Variants in SVEP1 observed in about 807,000 individuals in gnomAD.
The protein encoded by SVEP1 is sushi, von Willebrand factor type A, EGF and pentraxin domain containing 1, also known as sushi, von Willebrand factor type A, EGF and pentraxin domain-containing protein 1.
SVEP1 carries 164 observed loss-of-function variants against 367.3 expected under a neutral mutation model. The observed-to-expected ratio is 0.45, with a 90% confidence interval of 0.39 to 0.51. The LOEUF is 0.51. SVEP1 is among the 20% of genes least tolerant of loss of function. The pLI, the probability that SVEP1 is intolerant of heterozygous loss-of-function variation, is 0.00. For missense variants in SVEP1, 4,117 were observed against 4,425.3 expected (o/e 0.93, Z 1.98); for synonymous variants, 1,666 against 1,611.6 (o/e 1.03, Z -0.81).
chr9:110,475,953 T>C, intron 14 of SVEP1: 1 of 366,890 alleles, frequency 2.7e-6, no homozygotes, highest in Non-Finnish European at 4.9e-6. Context: ...TACCAGCATA[T>C]GTGACTTAGT....
chr9:110,446,607 G>A (rs931416029), intron 25 of SVEP1, among the ~76,000 whole-genome samples: 12 of 152,162 alleles, frequency 7.9e-5, no homozygotes, highest in South Asian at 2.1e-4. Context: ...GAAGTCAAGC[G>A]GCTTATCAAA....
intron 8 of SVEP1, among the ~76,000 whole-genome samples, chr9:110,496,400 C>A (rs1829447225): frequency 6.6e-6 from 1 of 152,200 alleles, no homozygotes; most frequent in African/African-American, 2.4e-5. Context: ...AGTCTTCCAG[C>A]CTTCATCTTT....
chr9:110,432,877 T>G (rs1194260673), intron 30 of SVEP1, among the ~76,000 whole-genome samples: 1 of 152,182 alleles, frequency 6.6e-6, no homozygotes, highest in Non-Finnish European at 1.5e-5. Flanking sequence ...CTGATAAAGT[T>G]TGGATATTTG....
rs1476319933 is a variant in SVEP1, at chr9:110,411,448, G to A, written c.6263C>T (p.Ser2088Leu). The change falls in exon 37 of 48, where the codon TCG becomes TTG. Residue 2088 changes from serine (S) to leucine (L), a missense_variant. Transcript: ENST00000374469. ...CIAHFCEKPP[S>L]VSYSILESVS... Reference sequence around the variant, plus strand: ...AGATTCCAAGATGCTATAGGAAACCGATGGAGGTTTTTCACAGAAATGAGC... The same window carrying A: ...AGATTCCAAGATGCTATAGGAAACCAATGGAGGTTTTTCACAGAAATGAGC... 17 of 1,613,886 alleles carry A rather than the reference G, an allele frequency of 1.1e-5. No homozygotes were observed. Among genetic ancestry groups the A allele is most frequent in the Admixed American group, 6.7e-5 (4 of 59,986 alleles).
chr9:110,497,765 T>C (rs1034341924), intron 7 of SVEP1, among the ~76,000 whole-genome samples: 3 of 152,256 alleles, frequency 2.0e-5, no homozygotes, highest in African/African-American at 7.2e-5. Flanking sequence ...TTTTGTTATA[T>C]GATAAAATAC....
chr9:110,572,789 C>CAAAAAAAAAAAA (rs56077443), intron 1 of SVEP1, among the ~76,000 whole-genome samples: 51 of 76,512 alleles, frequency 6.7e-4, no homozygotes, highest in Middle Eastern at 7.0e-3. Context: ...CTCTCTCTCA[C>CAAAAAAAAAAAA]AAAAAAAAAA....
intron 3 of SVEP1, among the ~76,000 whole-genome samples, chr9:110,544,413 T>C (rs193106497): frequency 2.4e-3 from 373 of 152,294 alleles, no homozygotes; most frequent in African/African-American, 8.3e-3. Context: ...AAAGTTGCTC[T>C]TTAGGTAAAA....
rs1282783250 is a variant in SVEP1 at position 110,467,373 on chromosome 9, T to C, written c.3161-1347A>G. On this transcript the variant is annotated intron_variant, in intron 17 of 47. Coordinates refer to ENST00000374469, the MANE Select transcript of SVEP1 (RefSeq NM_153366.4). ...GCAATCCAATAACTGCAAAGTGTCA[T>C]GAGACTTCTTTCCATTAATTGATGT... 2.6e-5 allele frequency among the ~76,000 whole-genome samples: 4 copies of C among 152,182 alleles called. No homozygotes were observed. In the East Asian group the frequency reaches 7.7e-4, roughly 29 times the overall value.
intron 1 of SVEP1, among the ~76,000 whole-genome samples, chr9:110,567,934 A>G (rs945518787): frequency 1.3e-5 from 2 of 152,166 alleles, no homozygotes; most frequent in African/African-American, 4.8e-5. Flanking sequence ...CCAGGGACCA[A>G]TCCTTGGCAG....
In SVEP1 at chr9:110,407,222, T is replaced by C. The variant is rs766548418; in HGVS notation, c.8378A>G (p.Tyr2793Cys). 3 of 1,613,946 alleles carry C rather than the reference T, an allele frequency of 1.9e-6. No individual in the cohort carries two copies. The highest frequency in any genetic ancestry group is 4.5e-5 in the East Asian group (2 of 44,870). The change falls in exon 38 of 48, where the codon TAC (tyrosine) becomes TGC (cysteine). Residue 2793 changes from tyrosine to cysteine, a missense_variant. Tyr to Cys is a radical substitution (Grantham distance 194, BLOSUM62 -2). This residue lies in a region of SVEP1 where 1,765 missense variants were observed against 1,781.1 expected (regional missense o/e 0.99). Coordinates refer to ENST00000374469, the MANE Select transcript of SVEP1 (RefSeq NM_153366.4). ...NGSIKGSNYTYLSTLYYECDP... is the reference protein window; with the variant it reads ...NGSIKGSNYTCLSTLYYECDP... Reference sequence around the variant, plus strand: ...ACACTCATAGTACAACGTGCTCAGGTATGTGTAGTTGCTTCCTTTGATGGA... The same window carrying C: ...ACACTCATAGTACAACGTGCTCAGGCATGTGTAGTTGCTTCCTTTGATGGA...
In SVEP1 at chr9:110,451,487, T is replaced by C. The variant is rs1047955811; in HGVS notation, c.3788-85A>G. ...GTTTCCAAGCAAGTTGTTCAGGCATTGGAATAGGGAAATTGGAAATCATGG... is the reference window on the plus strand; with the variant it reads ...GTTTCCAAGCAAGTTGTTCAGGCATCGGAATAGGGAAATTGGAAATCATGG... On this transcript the variant is annotated intron_variant, in intron 22 of 47. Transcript: ENST00000374469. 4.2e-5 allele frequency: 36 copies of C among 854,358 alleles called. 4 individuals are homozygous for C. The South Asian group carries it at 6.0e-4, about 14-fold the overall frequency. The allele number at this position is 854,358 out of a possible 1,614,324, so 52.9% of individuals were successfully genotyped here. A position where few individuals can be genotyped will look rare whatever the true frequency, so the allele number is the denominator to read the frequency against.
intron 36 of SVEP1, among the ~76,000 whole-genome samples, chr9:110,423,860 C>G (rs185621220): frequency 6.6e-6 from 1 of 152,102 alleles, no homozygotes; most frequent in African/African-American, 2.4e-5. Flanking sequence ...CTTTCAATAA[C>G]CCTTTGGAAG....
chr9:110,372,667 G>T (rs1272842395), intron 46 of SVEP1, among the ~76,000 whole-genome samples: 1 of 152,312 alleles, frequency 6.6e-6, no homozygotes, highest in East Asian at 1.9e-4. Flanking sequence ...GGACTTGGGG[G>T]TTGAGTGAGG....
At chr9:110,577,354 T>C (rs964864373) in intron 1 of SVEP1, among the ~76,000 whole-genome samples, 13 of 152,162 alleles carry the variant, frequency 8.5e-5, no homozygotes, top group African/African-American at 3.1e-4. Context: ...ATTTAGCACA[T>C]GATAAACATG....
chr9:110,392,158 T>A (rs1236470253), intron 40 of SVEP1, among the ~76,000 whole-genome samples: 1 of 148,534 alleles, frequency 6.7e-6, no homozygotes, highest in East Asian at 2.0e-4. Flanking sequence ...TATATATCTC[T>A]TCTCTCTCTC....
chr9:110,445,842 A>G lies in SVEP1; in HGVS notation c.4458T>C (p.Tyr1486=), dbSNP rs75781125. The change falls in exon 26 of 48, where the codon TAT becomes TAC. Residue 1486 remains tyrosine (Y), a synonymous_variant. Transcript: ENST00000374469. ...GSDNTLLLTD[Y]NGWVLYVNGR... ...TTCCCGACACTTCTGCTTACCCGTTATAATCAGTCAGGAGCAAGGTATTGT... is the reference window on the plus strand; with the variant it reads ...TTCCCGACACTTCTGCTTACCCGTTGTAATCAGTCAGGAGCAAGGTATTGT... 2.1e-3 allele frequency: 3,332 copies of G among 1,613,780 alleles called. 6 individuals carry two copies. Among genetic ancestry groups the G allele is most frequent in the Non-Finnish European group, 2.7e-3 (3,151 of 1,179,718 alleles).
rs747650384 is a variant in SVEP1, at chr9:110,503,148, T to C, written c.1373A>G (p.Tyr458Cys). 5.6e-6 allele frequency: 9 copies of C among 1,613,842 alleles called. No homozygotes were observed. Among genetic ancestry groups the C allele is most frequent in the Non-Finnish European group, 7.6e-6 (9 of 1,179,760 alleles). The change falls in exon 6 of 48, where the codon TAT becomes TGT. Residue 458 changes from tyrosine (Y) to cysteine (C), a missense_variant. Tyr to Cys is a radical substitution (Grantham distance 194). This residue lies in a region of SVEP1 where 2,174 missense variants were observed against 2,494.3 expected (regional missense o/e 0.87). Coordinates refer to ENST00000374469, the MANE Select transcript of SVEP1 (RefSeq NM_153366.4). ...ACAGGCAACCAAACATGTTGTCTTATATAACATTTCCCTTGTAGAACAGCT... is the reference window on the plus strand; with the variant it reads ...ACAGGCAACCAAACATGTTGTCTTACATAACATTTCCCTTGTAGAACAGCT... ...HISCSTREML[Y>C]KTTCLVACDE...
chr9:110,457,979 T>C, intron 20 of SVEP1: 1 of 316,476 alleles, frequency 3.2e-6, no homozygotes, highest in Non-Finnish European at 6.0e-6. Context: ...ACTAGTCTTG[T>C]AAAAAATATA....
intron 3 of SVEP1, among the ~76,000 whole-genome samples, chr9:110,520,696 C>T (rs1039607254): frequency 2.0e-5 from 3 of 152,148 alleles, no homozygotes; most frequent in African/African-American, 7.2e-5. Context: ...GACTATTTTA[C>T]TATTAATAAC....
Sources: gnomAD v4.1 joint callset for allele counts (sites outside exome capture counted in the v4.1 genomes callset) on GRCh38, gnomAD v4.1.1 for gene constraint, gnomAD v4.1.1 regional missense constraint, MANE v1.5 for transcripts, NCBI Gene and HGNC (gene_info 2026-07-23, HGNC 2026-07-21) for gene names.